SKAP2: variants seen among roughly 807,000 people sequenced by gnomAD.
The protein encoded by SKAP2 is src kinase-associated phosphoprotein 2.
SKAP2 carries 28 observed loss-of-function variants against 54.9 expected under a neutral mutation model. That is an observed-to-expected ratio of 0.51 (90% confidence interval 0.38 to 0.70). The LOEUF (loss-of-function observed/expected upper bound fraction) is 0.70. SKAP2 is among the 30% of genes least tolerant of loss of function. The probability of loss-of-function intolerance (pLI) is 0.00; values close to 1 mark genes in which losing one functional copy is unlikely to be tolerated. For missense variants in SKAP2, 356 were observed against 424.1 expected (o/e 0.84, Z 1.41); for synonymous variants, 137 against 134.3 (o/e 1.02, Z -0.14).
At chr7:26,823,263 T>C (rs190276914) in intron 4 of SKAP2, among the ~76,000 whole-genome samples, 115 of 151,422 alleles carry the variant, frequency 7.6e-4, no homozygotes, top group Admixed American at 3.4e-3. Flanking sequence ...TCGTCTCTAC[T>C]GAAAATACAA....
At chr7:26,655,780 G>T in the SKAP2 span, among the ~76,000 whole-genome samples, 52 of 152,310 alleles carry the variant, frequency 3.4e-4, no homozygotes, top group Admixed American at 3.2e-3. Flanking sequence ...AAGTATCAAA[G>T]ATTTATTTCA....
chr7:26,683,989 C>T lies in SKAP2; in HGVS notation c.987+747G>A, dbSNP rs191706841. On this transcript the variant is annotated intron_variant, in intron 11 of 12. Coordinates refer to ENST00000345317, the MANE Select transcript of SKAP2 (RefSeq NM_003930.5). ...AGACAGAGGGAAATTTTTAAATCCCCATATTACGATAGGGGAAATTAAAAT... is the reference window on the plus strand; with the variant it reads ...AGACAGAGGGAAATTTTTAAATCCCTATATTACGATAGGGGAAATTAAAAT... Among the ~76,000 whole-genome samples, 33 of 152,176 alleles carry T rather than the reference C, an allele frequency of 2.2e-4. 1 individual carries two copies. In the East Asian group the frequency reaches 6.2e-3, roughly 28 times the overall value.
At chr7:26,809,338 G>A (rs991407434) in intron 4 of SKAP2, among the ~76,000 whole-genome samples, 1 of 152,018 alleles carries the variant, frequency 6.6e-6, no homozygotes, top group Middle Eastern at 3.4e-3. Context: ...ATTTGAACCC[G>A]GGAGGCAGAG....
intron 4 of SKAP2, among the ~76,000 whole-genome samples, chr7:26,806,514 G>A (rs557544705): frequency 2.6e-5 from 4 of 152,200 alleles, no homozygotes; most frequent in Non-Finnish European, 4.4e-5. Context: ...ATTTGAGGCT[G>A]CAAAGCAAAC....
At chr7:26,815,972 T>A (rs1300237774) in intron 4 of SKAP2, among the ~76,000 whole-genome samples, 7 of 152,140 alleles carry the variant, frequency 4.6e-5, no homozygotes, top group East Asian at 1.9e-4. Context: ...TTTTAAAAAA[T>A]TTTTGAAATT....
intron 4 of SKAP2, among the ~76,000 whole-genome samples, chr7:26,815,186 G>C (rs896308517): frequency 6.6e-6 from 1 of 151,732 alleles, no homozygotes; most frequent in Non-Finnish European, 1.5e-5. Flanking sequence ...CTAAACATTC[G>C]TGACTAGGAA....
At chr7:26,784,875 A>T (rs1450231873) in intron 4 of SKAP2, among the ~76,000 whole-genome samples, 1 of 152,208 alleles carries the variant, frequency 6.6e-6, no homozygotes, top group Non-Finnish European at 1.5e-5. Flanking sequence ...CTTGAAATGC[A>T]TCAAAAAACT....
chr7:26,864,186 C>T (rs748208020), intron 1 of SKAP2, among the ~76,000 whole-genome samples, 177 bp downstream of exon 1: 4 of 152,024 alleles, frequency 2.6e-5, no homozygotes, highest in Non-Finnish European at 5.9e-5. Flanking sequence ...CACACGTCCA[C>T]TCCCTTTCTG....
At chr7:26,720,051 AACACACACACACACACACAC>A (rs57945020) in intron 9 of SKAP2, among the ~76,000 whole-genome samples, 1 of 141,716 alleles carries the variant, frequency 7.1e-6, no homozygotes, top group African/African-American at 2.6e-5. Context: ...ACATATCTGT[AACACACACACACACACACAC>A]ACACACACAC....
At chr7:26,815,039 A>C (rs1419961121) in intron 4 of SKAP2, among the ~76,000 whole-genome samples, 1 of 152,038 alleles carries the variant, frequency 6.6e-6, no homozygotes, top group Admixed American at 6.6e-5. Flanking sequence ...AATTGTTATG[A>C]ATGTCATTAG....
At chr7:26,774,829 T>G (rs1457903443) in intron 4 of SKAP2, among the ~76,000 whole-genome samples, 3 of 152,196 alleles carry the variant, frequency 2.0e-5, no homozygotes, top group Non-Finnish European at 4.4e-5. Flanking sequence ...TGAAAATATT[T>G]TGAGTTATCA....
chr7:26,786,802 A>G lies in SKAP2; in HGVS notation c.308-46838T>C, dbSNP rs541927893. On this transcript the variant is annotated intron_variant, in intron 4 of 12. Transcript: ENST00000345317. The stretch of plus-strand genomic sequence containing the variant: ...GAATATCTTTTTTTTCTGAACATAT[A>G]ATTATTTGACTTTATTCTACCTATA... Among the ~76,000 whole-genome samples, 8 of 152,180 alleles carry G rather than the reference A, an allele frequency of 5.3e-5. No individual in the cohort carries two copies. The South Asian group carries it at 1.2e-3, about 24-fold the overall frequency.
intron 4 of SKAP2, among the ~76,000 whole-genome samples, chr7:26,744,739 T>A (rs1227158436): frequency 1.3e-5 from 2 of 150,388 alleles, no homozygotes; most frequent in Admixed American, 1.3e-4. Context: ...ATGTTACACA[T>A]ACACACACAC....
chr7:26,810,060 G>C (rs750535648), intron 4 of SKAP2, among the ~76,000 whole-genome samples: 18 of 152,260 alleles, frequency 1.2e-4, no homozygotes, highest in Admixed American at 3.3e-4. Flanking sequence ...GTTGGGCTGG[G>C]CACAGTGGTT....
chr7:26,677,799 T>C (rs964487145), intron 11 of SKAP2, among the ~76,000 whole-genome samples: 3 of 152,220 alleles, frequency 2.0e-5, no homozygotes, highest in Non-Finnish European at 4.4e-5. Context: ...CTGCTCAAAA[T>C]AGTACTTTGC....
At chr7:26,839,996 T>A (rs1006119784) in intron 4 of SKAP2, among the ~76,000 whole-genome samples, 13 of 151,950 alleles carry the variant, frequency 8.6e-5, no homozygotes, top group Non-Finnish European at 1.3e-4. Context: ...CCAAAAAAAA[T>A]TTTTAATATT....
intron 8 of SKAP2, 137 bp downstream of exon 8, chr7:26,725,786 T>G (rs1787693726): frequency 1.2e-6 from 1 of 801,194 alleles, no homozygotes; most frequent in Non-Finnish European, 2.0e-6. Context: ...CTGAAGTGAG[T>G]GGTCTGTATT....
chr7:26,775,887 C>T (rs766887434), intron 4 of SKAP2, among the ~76,000 whole-genome samples: 1 of 152,156 alleles, frequency 6.6e-6, no homozygotes, highest in Non-Finnish European at 1.5e-5. Context: ...TTATTGTTGA[C>T]TGGTATTCCA....
Position 26,738,814 on chromosome 7 carries a change from ATAG to A in SKAP2, c.447_449del (p.Tyr152del). On this transcript the variant is annotated inframe_deletion, in exon 6 of 13. Transcript: ENST00000345317. ...CATTACCTTTATCACTTCCATAATA[ATAG>A]AATACCGTTTTACTGAGAGCACACC... The A allele has an allele frequency of 6.3e-7, 1 of 1,598,780 alleles. No homozygotes were observed. Among genetic ancestry groups the A allele is most frequent in the Admixed American group, 1.7e-5 (1 of 59,988 alleles).
Sources: gnomAD v4.1 joint callset for allele counts (sites outside exome capture counted in the v4.1 genomes callset) on GRCh38, gnomAD v4.1.1 for gene constraint, MANE v1.5 for transcripts, NCBI Gene and HGNC (gene_info 2026-07-23, HGNC 2026-07-21) for gene names.